The following PCDH15 variants were observed in gnomAD, a reference collection of about 807,000 sequenced individuals.
PCDH15 encodes the protein protocadherin-15.
In PCDH15, 129 loss-of-function variants were observed where a neutral mutation model predicts 178.5. The ratio of observed to expected loss-of-function variants is 0.72; its 90% confidence interval spans 0.63 to 0.84. The LOEUF (loss-of-function observed/expected upper bound fraction) is 0.84. Ranked by LOEUF, PCDH15 falls within the 40% of genes least tolerant of loss-of-function variation. The probability of loss-of-function intolerance (pLI) is 0.00; values close to 1 mark genes in which losing one functional copy is unlikely to be tolerated. For missense variants in PCDH15, 2,230 were observed against 2,099.9 expected, an observed-to-expected ratio of 1.06 and a Z score of -1.21; for synonymous variants, 800 against 732.0, an observed-to-expected ratio of 1.09 and a Z score of -1.50.
intron 2 of PCDH15, among the ~76,000 whole-genome samples, chr10:55,542,428 G>C (rs1246500540): frequency 6.6e-6 from 1 of 150,712 alleles, no homozygotes. Context: ...TGTACAGTAT[G>C]TCTACAGTAT....
chr10:54,119,816 A>G (rs2095183322), intron 15 of PCDH15, among the ~76,000 whole-genome samples: 1 of 152,070 alleles, frequency 6.6e-6, no homozygotes, highest in Non-Finnish European at 1.5e-5. Flanking sequence ...ATACATGTGC[A>G]GAACATGCAG....
At chr10:55,092,844 A>G (rs1023366357) in intron 2 of PCDH15, among the ~76,000 whole-genome samples, 1 of 151,988 alleles carries the variant, frequency 6.6e-6, no homozygotes, top group African/African-American at 2.4e-5. Flanking sequence ...TTAAAACAAC[A>G]AAAGACACAC....
chr10:55,040,474 C>A (rs374840329), intron 2 of PCDH15, among the ~76,000 whole-genome samples: 36 of 143,450 alleles, frequency 2.5e-4, no homozygotes, highest in African/African-American at 4.6e-4. Context: ...TAACATGAAT[C>A]AAAAAAAAAC....
chr10:55,532,861 G>T (rs1841484472), intron 2 of PCDH15, among the ~76,000 whole-genome samples: 2 of 151,898 alleles, frequency 1.3e-5, no homozygotes, highest in South Asian at 4.2e-4. Context: ...TCCTATGAAG[G>T]GAATTATGTC....
chr10:54,096,110 C>T (rs1217099341), intron 15 of PCDH15, among the ~76,000 whole-genome samples: 1 of 152,064 alleles, frequency 6.6e-6, no homozygotes, highest in East Asian at 1.9e-4. Context: ...CCAAAGTTTA[C>T]AAACTATAGA....
chr10:55,196,128 C>T (rs181151682), intron 1 of PCDH15, among the ~76,000 whole-genome samples: 3 of 152,056 alleles, frequency 2.0e-5, no homozygotes, highest in Admixed American at 1.3e-4. Flanking sequence ...GCTACTTTTA[C>T]TTTCTTAATT....
At chr10:54,692,372 A>C in intron 1 of PCDH15, among the ~76,000 whole-genome samples, 1 of 152,192 alleles carries the variant, frequency 6.6e-6, no homozygotes, top group East Asian at 1.9e-4. Context: ...GTTTGCTTCC[A>C]GCAGTATTTT....
At chr10:54,354,731 C>T (rs1412056751) in intron 5 of PCDH15, among the ~76,000 whole-genome samples, 24 of 151,312 alleles carry the variant, frequency 1.6e-4, no homozygotes. Context: ...AAACAAAACA[C>T]ACAAAATATG....
intron 2 of PCDH15, among the ~76,000 whole-genome samples, chr10:55,533,518 G>T (rs1270287346): frequency 2.6e-5 from 4 of 151,920 alleles, no homozygotes. Flanking sequence ...TACAGCTAAT[G>T]AAGAAGGTGA....
intron 1 of PCDH15, among the ~76,000 whole-genome samples, chr10:55,201,861 T>C (rs1174817626): frequency 6.6e-6 from 1 of 152,208 alleles, no homozygotes; most frequent in Non-Finnish European, 1.5e-5. Flanking sequence ...TTGTCTACTT[T>C]ACAATGTGCT....
chr10:54,877,726 A>G (rs1488963926), intron 3 of PCDH15, among the ~76,000 whole-genome samples: 1 of 152,126 alleles, frequency 6.6e-6, no homozygotes, highest in African/African-American at 2.4e-5. Flanking sequence ...ATTTTGCCCA[A>G]TAGCCAAAAC....
At chr10:55,153,945 T>C (rs1838808273) in intron 2 of PCDH15, among the ~76,000 whole-genome samples, 1 of 152,196 alleles carries the variant, frequency 6.6e-6, no homozygotes, top group Non-Finnish European at 1.5e-5. Context: ...TTTAAACATT[T>C]ACAAATTGGC....
chr10:55,546,357 G>C (rs1048404841), intron 2 of PCDH15, among the ~76,000 whole-genome samples: 3 of 152,050 alleles, frequency 2.0e-5, no homozygotes, highest in Non-Finnish European at 4.4e-5. Context: ...CTCATTGTAA[G>C]GTTTGATGAA....
At chr10:54,415,271 T>C (rs963424021) in intron 3 of PCDH15, among the ~76,000 whole-genome samples, 4 of 152,040 alleles carry the variant, frequency 2.6e-5, no homozygotes, top group African/African-American at 9.7e-5. Context: ...CAATACATTT[T>C]TGTCACACTA....
chr10:54,486,546 T>G lies in PCDH15; in HGVS notation c.157+41266A>C, dbSNP rs200797362. On this transcript the variant is annotated intron_variant, in intron 3 of 37. Coordinates refer to ENST00000644397, the MANE Select transcript of PCDH15 (RefSeq NM_001384140.1). ...AGGCTACTAGTTATTCCCAAATATGTTCATTCTTCCTTTCTTTCTTCCTTT... is the reference window on the plus strand; with the variant it reads ...AGGCTACTAGTTATTCCCAAATATGGTCATTCTTCCTTTCTTTCTTCCTTT... Among the ~76,000 whole-genome samples the G allele has an allele frequency of 2.6e-4, 39 of 152,052 alleles. No homozygotes were observed. The East Asian group carries it at 7.1e-3, about 28-fold the overall frequency.
chr10:54,567,130 T>C (rs2089162732), intron 2 of PCDH15, among the ~76,000 whole-genome samples: 1 of 152,170 alleles, frequency 6.6e-6, no homozygotes, highest in Admixed American at 6.6e-5. Flanking sequence ...CTGTATATCT[T>C]CTTTGGTTAG....
intron 3 of PCDH15, among the ~76,000 whole-genome samples, chr10:54,388,147 C>G (rs549975236): frequency 6.6e-6 from 1 of 152,144 alleles, no homozygotes; most frequent in African/African-American, 2.4e-5. Flanking sequence ...TTGTCCTTAT[C>G]GTATTTGCTA....
At chr10:54,486,220 A>C (rs1324340260) in intron 3 of PCDH15, 2 of 152,016 alleles carry the variant, frequency 1.3e-5, no homozygotes, top group African/African-American at 4.8e-5. Context: ...TAACAACTCC[A>C]TTAAGCTAAG....
intron 2 of PCDH15, among the ~76,000 whole-genome samples, chr10:55,586,175 G>T (rs10825551): frequency 0.32 from 48,986 of 151,786 alleles, 8,421 homozygotes; most frequent in East Asian, 0.49. Context: ...TTGCCTAATA[G>T]ATATAGAAAC....
Sources: gnomAD v4.1 joint callset for allele counts (sites outside exome capture counted in the v4.1 genomes callset) on GRCh38, gnomAD v4.1.1 for gene constraint, MANE v1.5 for transcripts, NCBI Gene and HGNC (gene_info 2026-07-23, HGNC 2026-07-21) for gene names.